TMCO5A: variants seen among roughly 807,000 people sequenced by gnomAD.
TMCO5A encodes the protein transmembrane and coiled-coil domains 5A.
TMCO5A carries 34 observed loss-of-function variants against 42.3 expected under a neutral mutation model. The ratio of observed to expected loss-of-function variants is 0.80; its 90% CI spans 0.61 to 1.07. The LOEUF is 1.07. Ranked by LOEUF, TMCO5A falls within the 50% of genes least tolerant of loss-of-function variation. The pLI, the probability that TMCO5A is intolerant of heterozygous loss-of-function variation, is 0.00. For missense variants in TMCO5A, 357 were observed against 327.9 expected (o/e 1.09, Z -0.69); for synonymous variants, 131 against 115.6 (o/e 1.13, Z -0.86).
the TMCO5A span, among the ~76,000 whole-genome samples, chr15:38,000,991 T>C: frequency 6.6e-6 from 1 of 152,102 alleles, no homozygotes; most frequent in African/African-American, 2.4e-5. Context: ...GGATGAAATG[T>C]TCTGTAAATA....
At chr15:37,953,253 C>T (rs1890204980), downstream of TMCO5A, among the ~76,000 whole-genome samples, 1 of 152,084 alleles carries the variant, frequency 6.6e-6, no homozygotes, top group Non-Finnish European at 1.5e-5. Flanking sequence ...CAGCAGGACT[C>T]GGGTAAGACC....
At chr15:37,960,202 A>G (rs10468088) in intron 11 of TMCO5A, among the ~76,000 whole-genome samples, 2,111 of 151,854 alleles carry the variant, frequency 0.014, 44 homozygotes, top group African/African-American at 0.048. Flanking sequence ...CTTCCCCACA[A>G]GTCCCCAAAG....
At chr15:37,983,731 G>GTGT in the TMCO5A span, among the ~76,000 whole-genome samples, 3 of 125,940 alleles carry the variant, frequency 2.4e-5, no homozygotes, top group African/African-American at 9.5e-5. Flanking sequence ...TTTTTTTTTT[G>GTGT]TTTTTTTTTT....
the TMCO5A span, chr15:38,004,746 G>C: frequency 6.6e-6 from 1 of 152,184 alleles, no homozygotes; most frequent in African/African-American, 2.4e-5. Context: ...GAGCCAAATG[G>C]GTTAAGGGAG....
At chr15:37,986,386 T>C in the TMCO5A span, among the ~76,000 whole-genome samples, 1 of 142,446 alleles carries the variant, frequency 7.0e-6, no homozygotes, top group African/African-American at 2.9e-5. Context: ...GGATGGTGTG[T>C]GTGTGTGTGT....
At chr15:37,995,831 T>TA in the TMCO5A span, among the ~76,000 whole-genome samples, 1 of 151,000 alleles carries the variant, frequency 6.6e-6, no homozygotes, top group Non-Finnish European at 1.5e-5. Context: ...AGTGGACTGT[T>TA]ATGCAATCCC....
chr15:37,988,837 G>A, the TMCO5A span, among the ~76,000 whole-genome samples: 24 of 152,076 alleles, frequency 1.6e-4, no homozygotes, highest in African/African-American at 5.8e-4. Flanking sequence ...TCTGGCTTTT[G>A]TATCAGGACA....
the TMCO5A span, among the ~76,000 whole-genome samples, chr15:37,985,612 T>A: frequency 6.6e-6 from 1 of 152,188 alleles, no homozygotes; most frequent in Non-Finnish European, 1.5e-5. Context: ...ATTGACTTTC[T>A]CACCTCTAGA....
chr15:37,947,144 T>A (rs990471607), intron 10 of TMCO5A, among the ~76,000 whole-genome samples: 1 of 152,222 alleles, frequency 6.6e-6, no homozygotes, highest in Non-Finnish European at 1.5e-5. Context: ...GTTTATGTGA[T>A]GGATTATATT....
the TMCO5A span, among the ~76,000 whole-genome samples, chr15:38,027,633 G>A: frequency 6.6e-6 from 1 of 152,086 alleles, no homozygotes; most frequent in African/African-American, 2.4e-5. Flanking sequence ...ATGAGATTTG[G>A]GTGGGGCCAG....
the TMCO5A span, among the ~76,000 whole-genome samples, chr15:37,993,816 C>G: frequency 6.6e-6 from 1 of 151,990 alleles, no homozygotes; most frequent in Non-Finnish European, 1.5e-5. Flanking sequence ...ACAATGGGTA[C>G]GGATGTGTTG....
chr15:37,995,647 A>G, the TMCO5A span, among the ~76,000 whole-genome samples: 2 of 152,142 alleles, frequency 1.3e-5, no homozygotes, highest in Non-Finnish European at 2.9e-5. Context: ...TCCCACTGTC[A>G]TGTTCCTGCA....
At chr15:38,034,746 C>T in the TMCO5A span, among the ~76,000 whole-genome samples, 1 of 152,166 alleles carries the variant, frequency 6.6e-6, no homozygotes, top group African/African-American at 2.4e-5. Context: ...GCCTACCAGA[C>T]AGCTCCACCA....
At chr15:37,968,814 C>T (rs1421668026), downstream of TMCO5A, among the ~76,000 whole-genome samples, 1 of 152,112 alleles carries the variant, frequency 6.6e-6, no homozygotes, top group Non-Finnish European at 1.5e-5. Flanking sequence ...AACTCCTGAC[C>T]TCGTGATCTG....
At chr15:38,016,122 G>C in the TMCO5A span, among the ~76,000 whole-genome samples, 1 of 151,754 alleles carries the variant, frequency 6.6e-6, no homozygotes. Context: ...CCCTATGGTG[G>C]GGGGTGTTGA....
the TMCO5A span, among the ~76,000 whole-genome samples, chr15:38,039,779 A>T: frequency 6.7e-6 from 1 of 148,858 alleles, no homozygotes; most frequent in Non-Finnish European, 1.5e-5. Flanking sequence ...TTAATGTTGC[A>T]TAACAAATTG....
chr15:38,038,139 T>C, the TMCO5A span, among the ~76,000 whole-genome samples: 7 of 152,212 alleles, frequency 4.6e-5, no homozygotes, highest in Non-Finnish European at 1.0e-4. Context: ...TTTTCTTTTA[T>C]AGATATAGAA....
chr15:37,974,480 C>T, the TMCO5A span, among the ~76,000 whole-genome samples: 1 of 152,092 alleles, frequency 6.6e-6, no homozygotes, highest in Non-Finnish European at 1.5e-5. Flanking sequence ...CTGGTTCAAA[C>T]TTGGGAGGCG....
At chr15:37,943,160 G>T in intron 9 of TMCO5A, 181 bp from the exon 10 acceptor site, 1 of 509,828 alleles carries the variant, frequency 2.0e-6, no homozygotes, top group Non-Finnish European at 3.3e-6. Context: ...GTACATAAAA[G>T]ATGTACTCAA....
Sources: gnomAD v4.1 joint callset for allele counts (sites outside exome capture counted in the v4.1 genomes callset) on GRCh38, gnomAD v4.1.1 for gene constraint, MANE v1.5 for transcripts, NCBI Gene and HGNC (gene_info 2026-07-23, HGNC 2026-07-21) for gene names.